Variants in ITPKB observed in about 807,000 individuals in gnomAD.
ITPKB encodes IP3 3-kinase B.
ITPKB carries 13 observed loss-of-function variants against 69.4 expected under a neutral mutation model. That is an observed-to-expected ratio of 0.19 (90% CI 0.12 to 0.30). ITPKB has a LOEUF of 0.30. Among genes scored for constraint, ITPKB ranks in the 10% least tolerant of loss-of-function variants. ITPKB has a pLI of 1.00. For missense variants in ITPKB, 1,240 were observed against 1,250.5 expected (o/e 0.99, Z 0.13); for synonymous variants, 584 against 513.7 (o/e 1.14, Z -1.85).
intron 2 of ITPKB, among the ~76,000 whole-genome samples, chr1:226,652,022 AC>A (rs1198095647): frequency 2.0e-5 from 3 of 152,252 alleles, no homozygotes; most frequent in Non-Finnish European, 4.4e-5. Context: ...AATGCCATGC[AC>A]TTGCACTGGA....
chr1:226,733,788 A>G (rs1657664686), intron 2 of ITPKB, among the ~76,000 whole-genome samples: 1 of 152,190 alleles, frequency 6.6e-6, no homozygotes, highest in African/African-American at 2.4e-5. Flanking sequence ...CTCAAATGGC[A>G]TCGTTCTGGC....
chr1:226,715,202 A>T (rs1015372773), intron 2 of ITPKB, among the ~76,000 whole-genome samples: 1 of 152,206 alleles, frequency 6.6e-6, no homozygotes, highest in African/African-American at 2.4e-5. Flanking sequence ...GTAGGAACTA[A>T]GCTATGCTTG....
intron 2 of ITPKB, among the ~76,000 whole-genome samples, chr1:226,686,341 C>G (rs1339940907): frequency 6.6e-6 from 1 of 152,170 alleles, no homozygotes; most frequent in Non-Finnish European, 1.5e-5. Context: ...GAAAGGGAAG[C>G]CATAGTCAGT....
At chr1:226,703,652 C>A (rs1334824231) in intron 2 of ITPKB, among the ~76,000 whole-genome samples, 1 of 152,240 alleles carries the variant, frequency 6.6e-6, no homozygotes, top group African/African-American at 2.4e-5. Context: ...TTCGCCAGCG[C>A]TAGCGGGCCC....
intron 2 of ITPKB, among the ~76,000 whole-genome samples, chr1:226,664,339 A>G (rs948893159): frequency 3.3e-5 from 5 of 152,210 alleles, no homozygotes; most frequent in African/African-American, 1.2e-4. Context: ...TTTAGGTCTC[A>G]CTAAGCTTGG....
chr1:226,671,331 G>A (rs955675337), intron 2 of ITPKB, among the ~76,000 whole-genome samples: 1 of 152,234 alleles, frequency 6.6e-6, no homozygotes, highest in African/African-American at 2.4e-5. Context: ...GATCAAAGGA[G>A]TGAGCCCCTG....
At chr1:226,658,288 C>G (rs1571844287) in intron 2 of ITPKB, among the ~76,000 whole-genome samples, 1 of 152,222 alleles carries the variant, frequency 6.6e-6, no homozygotes, top group African/African-American at 2.4e-5. Context: ...TGTATTCCCC[C>G]TGGCAGGGCC....
In ITPKB at chr1:226,641,732, G is replaced by A. The variant is rs773422944; in HGVS notation, c.2451+189C>T. Among the ~76,000 whole-genome samples the A allele has an allele frequency of 5.9e-5, 9 of 152,256 alleles. No homozygotes were observed. Among genetic ancestry groups the A allele is most frequent in the Non-Finnish European group, 1.2e-4 (8 of 68,050 alleles). ...GAAGCCACTCTGCTCTGAGGCCTGA[G>A]CCCCCTACACAGCCATCCCGCCTGA... is the stretch of plus-strand genomic sequence containing the variant. On this transcript the variant is annotated intron_variant, in intron 5 of 7. Transcript: ENST00000429204. This position sits in a 1 kb window ranked among gnomAD's most constrained non-coding sequence, Gnocchi z 4.6.
At chr1:226,700,466 A>C (rs1265039391) in intron 2 of ITPKB, among the ~76,000 whole-genome samples, 2 of 1,782 alleles carry the variant, frequency 1.1e-3, no homozygotes, top group Non-Finnish European at 3.7e-3. Context: ...AGACTCCGTC[A>C]AAAAAAAAAA....
intron 2 of ITPKB, among the ~76,000 whole-genome samples, chr1:226,729,483 A>C (rs966051881): frequency 6.8e-6 from 1 of 146,436 alleles, no homozygotes; most frequent in Non-Finnish European, 1.5e-5. Flanking sequence ...CTCCACCTCA[A>C]AAAAAAAAAA....
chr1:226,736,225 A>G lies in ITPKB; in HGVS notation c.1234T>C (p.Ser412Pro). 1.3e-6 allele frequency: 2 copies of G among 1,539,186 alleles called. No individual in the cohort carries two copies. The highest frequency in any genetic ancestry group is 1.7e-6 in the Non-Finnish European group (2 of 1,145,710). Residue 412 changes from serine (S) to proline (P), a missense_variant, in exon 2 of 8, where the codon TCC becomes CCC. Coordinates refer to ENST00000429204, the MANE Select transcript of ITPKB (RefSeq NM_002221.4). The part of the protein sequence containing the change: ...SAESSDSLSW[S>P]RLPRALASVG... ...GAGGCCAGGGCCCTGGGCAGCCTGG[A>G]CCAGCTCAGGGAATCAGAGGACTCT...
intron 2 of ITPKB, among the ~76,000 whole-genome samples, chr1:226,652,516 T>C (rs1669214216): frequency 6.6e-6 from 1 of 152,176 alleles, no homozygotes; most frequent in South Asian, 2.1e-4. Flanking sequence ...AGCCCTCCCT[T>C]GTGGGAGATA....
chr1:226,644,417 G>A (rs1285421920), intron 4 of ITPKB, among the ~76,000 whole-genome samples: 1 of 152,210 alleles, frequency 6.6e-6, no homozygotes, highest in Non-Finnish European at 1.5e-5. Flanking sequence ...TTTGAGACAG[G>A]CCAGCCCAGG....
chr1:226,713,375 G>C (rs1395243423), intron 2 of ITPKB, among the ~76,000 whole-genome samples: 1 of 152,194 alleles, frequency 6.6e-6, no homozygotes, highest in East Asian at 1.9e-4. Context: ...ACTTTATTAG[G>C]GAGGGAAGTG....
intron 2 of ITPKB, among the ~76,000 whole-genome samples, chr1:226,711,051 T>C (rs887458783): frequency 2.6e-5 from 4 of 152,166 alleles, no homozygotes; most frequent in Non-Finnish European, 5.9e-5. Context: ...CCACAGGTAA[T>C]AGTGCTTATT....
chr1:226,717,284 C>A (rs185195604), intron 2 of ITPKB, among the ~76,000 whole-genome samples: 2 of 152,284 alleles, frequency 1.3e-5, no homozygotes, highest in Admixed American at 1.3e-4. Flanking sequence ...AAGGTGAAAT[C>A]TAGTGCTAGC....
chr1:226,685,386 A>G (rs1056365804), intron 2 of ITPKB, among the ~76,000 whole-genome samples: 5 of 152,070 alleles, frequency 3.3e-5, no homozygotes, highest in African/African-American at 1.2e-4. Context: ...CGGTCCCGCC[A>G]CATTCTCTCG....
intron 2 of ITPKB, among the ~76,000 whole-genome samples, chr1:226,675,517 G>A (rs1558082471): frequency 6.6e-6 from 1 of 152,194 alleles, no homozygotes; most frequent in African/African-American, 2.4e-5. Flanking sequence ...TGGGGAGGAG[G>A]AAGGAAGGGG....
At position 226,634,399 on chromosome 1, in the gene ITPKB, AC is replaced by A. The variant is rs1255599007; in HGVS notation, c.*271del. 12 of 431,530 alleles carry A rather than the reference AC, an allele frequency of 2.8e-5. No individual in the cohort carries two copies. The highest frequency in any genetic ancestry group is 6.2e-5 in the African/African-American group (3 of 48,310). 26.7% of individuals were successfully genotyped at this position (431,530 alleles called of 1,614,324 possible). A position where few individuals can be genotyped will look rare whatever the true frequency, so the allele number is the denominator to read the frequency against. On this transcript the variant is annotated 3_prime_UTR_variant, in exon 8 of 8. Transcript: ENST00000429204. This position sits in a 1 kb window ranked among gnomAD's most constrained non-coding sequence, Gnocchi z 6.3. Reference sequence around the variant, plus strand: ...GGTAGGGTCCCCTCAGCAGCCAGGGACCCCCTCCAGCTCTACACCTGACCCA... The same window carrying A: ...GGTAGGGTCCCCTCAGCAGCCAGGGACCCCTCCAGCTCTACACCTGACCCA...
Sources: allele counts gnomAD v4.1 joint callset (sites outside exome capture counted in the v4.1 genomes callset), GRCh38; gene constraint gnomAD v4.1.1; non-coding constraint Gnocchi (gnomAD v3.1); transcripts MANE v1.5; gene names NCBI Gene and HGNC (gene_info 2026-07-23, HGNC 2026-07-21).